Variants in ZNF804B observed in about 807,000 individuals in gnomAD.
ZNF804B encodes zinc finger 804B.
ZNF804B carries 80 observed loss-of-function variants against 101.4 expected under a neutral mutation model. The ratio of observed to expected loss-of-function variants is 0.79; its 90% CI spans 0.66 to 0.95. The LOEUF (loss-of-function observed/expected upper bound fraction) is 0.95. Among genes scored for constraint, ZNF804B ranks in the 40% least tolerant of loss-of-function variants. ZNF804B has a pLI of 0.00. For missense variants in ZNF804B, 1,673 were observed against 1,561.9 expected, an observed-to-expected ratio of 1.07 and a Z score of -1.20; for synonymous variants, 622 against 558.8, an observed-to-expected ratio of 1.11 and a Z score of -1.59.
intron 1 of ZNF804B, among the ~76,000 whole-genome samples, chr7:88,892,099 A>G (rs1272731929): frequency 6.6e-6 from 1 of 152,178 alleles, no homozygotes; most frequent in African/African-American, 2.4e-5. Flanking sequence ...CCTACTGTTA[A>G]CATAAATGCC....
chr7:89,041,746 G>T (rs2116249645), intron 1 of ZNF804B, among the ~76,000 whole-genome samples: 1 of 152,202 alleles, frequency 6.6e-6, no homozygotes, highest in East Asian at 1.9e-4. Context: ...TTGTGGGAAG[G>T]GTTTCATGAA....
chr7:89,055,909 A>G (rs905639801), intron 1 of ZNF804B, among the ~76,000 whole-genome samples: 1 of 152,100 alleles, frequency 6.6e-6, no homozygotes, highest in African/African-American at 2.4e-5. Context: ...GGATGTGGTG[A>G]TAACTCCAAG....
At chr7:88,813,417 T>A (rs1302511313) in intron 1 of ZNF804B, among the ~76,000 whole-genome samples, 1 of 131,280 alleles carries the variant, frequency 7.6e-6, no homozygotes. Context: ...AGAGCGAGAC[T>A]CCATCTAAAA....
chr7:89,173,007 C>T lies in ZNF804B; in HGVS notation c.109-45148C>T, dbSNP rs765689440. Among the ~76,000 whole-genome samples the T allele has an allele frequency of 1.1e-4, 16 of 152,142 alleles. No individual in the cohort carries two copies. The South Asian group carries it at 1.2e-3, about 12-fold the overall frequency. ...CAAAGAAAACCAGGGCTTTGAGAGA[C>T]GATAATTCAAGGCAATGATTACAAT... On this transcript the variant is annotated intron_variant, in intron 1 of 3. Coordinates refer to ENST00000333190, the MANE Select transcript of ZNF804B (RefSeq NM_181646.5).
intron 1 of ZNF804B, among the ~76,000 whole-genome samples, chr7:88,841,983 A>G (rs1473409053): frequency 6.6e-6 from 1 of 152,210 alleles, no homozygotes; most frequent in Non-Finnish European, 1.5e-5. Flanking sequence ...TTATTAGTCC[A>G]GATATTTCAC....
intron 1 of ZNF804B, among the ~76,000 whole-genome samples, chr7:88,851,561 A>AT (rs567775243): frequency 1.5e-4 from 23 of 148,460 alleles, no homozygotes; most frequent in Admixed American, 2.0e-4. Flanking sequence ...TGAAATAAAG[A>AT]TTTTTTTTTC....
At chr7:89,104,834 C>T (rs543007505) in intron 1 of ZNF804B, among the ~76,000 whole-genome samples, 1 of 152,098 alleles carries the variant, frequency 6.6e-6, no homozygotes, top group South Asian at 2.1e-4. Context: ...TTTGACAATG[C>T]TTCTGGAACT....
chr7:89,302,549 T>A (rs1790491945), intron 2 of ZNF804B, among the ~76,000 whole-genome samples: 1 of 151,884 alleles, frequency 6.6e-6, no homozygotes, highest in African/African-American at 2.4e-5. Context: ...ATGATATAGT[T>A]GATCACAGAG....
chr7:89,297,884 C>A (rs188826504), intron 2 of ZNF804B, among the ~76,000 whole-genome samples: 209 of 151,158 alleles, frequency 1.4e-3, no homozygotes, highest in African/African-American at 4.8e-3. Flanking sequence ...ATTTTTAATC[C>A]CCATATTCAA....
At chr7:89,172,942 A>G (rs1394348571) in intron 1 of ZNF804B, among the ~76,000 whole-genome samples, 2 of 152,178 alleles carry the variant, frequency 1.3e-5, no homozygotes, top group African/African-American at 4.8e-5. Flanking sequence ...GTGAAAACGC[A>G]TTCAACAGAA....
chr7:89,069,718 T>C (rs149951139), intron 1 of ZNF804B, among the ~76,000 whole-genome samples: 60 of 152,288 alleles, frequency 3.9e-4, no homozygotes, highest in African/African-American at 1.3e-3. Context: ...CTGCTATATA[T>C]CTTTTTAGTC....
chr7:88,963,886 A>G (rs1793422169), intron 1 of ZNF804B, among the ~76,000 whole-genome samples: 1 of 151,426 alleles, frequency 6.6e-6, no homozygotes, highest in African/African-American at 2.4e-5. Flanking sequence ...ACTTTTCTCT[A>G]AAAAAGATAA....
intron 1 of ZNF804B, among the ~76,000 whole-genome samples, chr7:89,053,255 T>C (rs186631988): frequency 6.6e-6 from 1 of 152,266 alleles, no homozygotes; most frequent in Non-Finnish European, 1.5e-5. Context: ...TACCTCCTTG[T>C]TGTATTTATA....
intron 1 of ZNF804B, among the ~76,000 whole-genome samples, chr7:88,993,981 A>G (rs1386007722): frequency 6.6e-6 from 1 of 151,996 alleles, no homozygotes; most frequent in Non-Finnish European, 1.5e-5. Context: ...TTTTGATCAT[A>G]TATGTATAGG....
intron 2 of ZNF804B, among the ~76,000 whole-genome samples, chr7:89,228,306 C>T (rs1157865958): frequency 2.0e-5 from 3 of 152,116 alleles, no homozygotes; most frequent in African/African-American, 7.2e-5. Flanking sequence ...GAAGGGGACC[C>T]CAGCAGGTTG....
chr7:88,971,086 C>A (rs1159975188), intron 1 of ZNF804B, among the ~76,000 whole-genome samples: 1 of 151,130 alleles, frequency 6.6e-6, no homozygotes, highest in Admixed American at 6.6e-5. Context: ...TTTCACACTT[C>A]AAGCAATGGC....
rs536831770 is a variant in ZNF804B at position 88,831,107 on chromosome 7, A to C, written c.108+71023A>C. On this transcript the variant is annotated intron_variant, in intron 1 of 3. Transcript: ENST00000333190. ...TCACACATCTAAAGCAGACATTTGAATGTTTTCCAGTATATTCAGAGTTGT... is the reference window on the plus strand; with the variant it reads ...TCACACATCTAAAGCAGACATTTGACTGTTTTCCAGTATATTCAGAGTTGT... Among the ~76,000 whole-genome samples, 29 of 152,046 alleles carry C rather than the reference A, an allele frequency of 1.9e-4. 3 individuals carry two copies. In the South Asian group the frequency reaches 6.0e-3, roughly 31 times the overall value.
At chr7:88,869,127 T>C (rs960779527) in intron 1 of ZNF804B, among the ~76,000 whole-genome samples, 13 of 152,230 alleles carry the variant, frequency 8.5e-5, no homozygotes, top group Non-Finnish European at 1.8e-4. Flanking sequence ...ATAAATCACA[T>C]GCTTTCATCT....
intron 2 of ZNF804B, among the ~76,000 whole-genome samples, chr7:89,220,760 T>A (rs1788993474): frequency 6.6e-6 from 1 of 151,998 alleles, no homozygotes; most frequent in South Asian, 2.1e-4. Context: ...TCATTGAAAT[T>A]AGGATCCCTA....
Sources: allele counts gnomAD v4.1 joint callset (sites outside exome capture counted in the v4.1 genomes callset), GRCh38; gene constraint gnomAD v4.1.1; transcripts MANE v1.5; gene names NCBI Gene and HGNC (gene_info 2026-07-23, HGNC 2026-07-21).